Variants in UBASH3A observed in about 807,000 individuals in gnomAD.
UBASH3A encodes ubiquitin-associated and SH3 domain-containing protein A.
Under a neutral mutation model 73.5 loss-of-function variants are expected in UBASH3A, and 63 were observed. The observed-to-expected ratio is 0.86, with a 90% CI of 0.70 to 1.06. The LOEUF (loss-of-function observed/expected upper bound fraction) is 1.06. Among genes scored for constraint, UBASH3A ranks in the 50% least tolerant of loss-of-function variants. The probability of loss-of-function intolerance (pLI) is 0.00; values close to 1 mark genes in which losing one functional copy is unlikely to be tolerated. For synonymous variants in UBASH3A, 363 were observed against 351.1 expected (o/e 1.03, Z -0.38); for missense variants, 860 against 859.0 (o/e 1.00, Z -0.02).
chr21:42,417,878 C>CTTTTTTTTTTTTTTTTTTTTTTT (rs796939696), intron 6 of UBASH3A, among the ~76,000 whole-genome samples: 9 of 90,634 alleles, frequency 9.9e-5, no homozygotes, highest in Non-Finnish European at 1.5e-4. Context: ...TTCTTTTTTT[C>CTTTTTTTTTTTTTTTTTTTTTTT]TTTTTTTTTT....
chr21:42,443,450 C>A, intron 13 of UBASH3A, 32 bp downstream of exon 13: 1 of 1,543,596 alleles, frequency 6.5e-7, no homozygotes, highest in Non-Finnish European at 8.8e-7. Context: ...GTATGAACAG[C>A]CCCTGGGGCT....
intron 8 of UBASH3A, among the ~76,000 whole-genome samples, chr21:42,430,879 G>T (rs1204041147): frequency 1.3e-5 from 2 of 152,152 alleles, no homozygotes; most frequent in Admixed American, 1.3e-4. Context: ...TTGCTGCAGG[G>T]TTCCCCACCT....
Position 42,405,993 on chromosome 21 carries a change from G to GA in UBASH3A, c.114-315_114-314insA, listed in dbSNP as rs1568904790. 2.0e-5 allele frequency among the ~76,000 whole-genome samples: 3 copies of GA among 150,188 alleles called. No homozygotes were observed. In the East Asian group the frequency reaches 5.9e-4, roughly 30 times the overall value. ...ATTTGATCTAGGCAGTGGGGGGGGG[G>GA]GGGGCAGGCCAGGGAGAGGGATTGC... On this transcript the variant is annotated intron_variant, in intron 1 of 14. Coordinates refer to ENST00000319294, the MANE Select transcript of UBASH3A (RefSeq NM_018961.4).
chr21:42,418,284 AC>A (rs2053262853), intron 6 of UBASH3A, 116 bp from the exon 7 acceptor site: 1 of 841,568 alleles, frequency 1.2e-6, no homozygotes, highest in African/African-American at 1.7e-5. Flanking sequence ...TCTTGGAGAC[AC>A]AGAACACATT....
rs1414587301 is a variant in UBASH3A, at chr21:42,406,347, G to A, written c.153G>A (p.Glu51=). ...CAGCCACGGGGAGGAAGACGGCGGA[G>A]GAGGCCTTGGCCTGGTGAGTGCAGC... ...ALAATGRKTA[E]EALAWLHDHC... The change falls in exon 2 of 15, where the codon GAG becomes GAA. Residue 51 remains glutamate, a synonymous_variant. Transcript: ENST00000319294. The A allele has an allele frequency of 5.0e-6, 8 of 1,614,074 alleles. No homozygotes were observed. The highest frequency in any genetic ancestry group is 5.1e-6 in the Non-Finnish European group (6 of 1,179,904).
chr21:42,439,341 A>G (rs2053687565), intron 11 of UBASH3A, among the ~76,000 whole-genome samples: 1 of 151,818 alleles, frequency 6.6e-6, no homozygotes, highest in African/African-American at 2.4e-5. Context: ...TTCCCACCCA[A>G]CTGTGGCACA....
chr21:42,423,823 G>T (rs1180583198), intron 7 of UBASH3A, among the ~76,000 whole-genome samples: 1 of 152,142 alleles, frequency 6.6e-6, no homozygotes, highest in Non-Finnish European at 1.5e-5. Context: ...TGGGCTAGGT[G>T]CTGTGGGTTG....
At chr21:42,429,966 G>A (rs964049786) in intron 8 of UBASH3A, among the ~76,000 whole-genome samples, 6 of 152,082 alleles carry the variant, frequency 3.9e-5, no homozygotes, top group African/African-American at 1.4e-4. Flanking sequence ...CAGGGCCACC[G>A]AGAACTGTCT....
intron 3 of UBASH3A, among the ~76,000 whole-genome samples, chr21:42,412,509 C>T (rs1032863273): frequency 3.3e-5 from 5 of 152,164 alleles, no homozygotes; most frequent in African/African-American, 4.8e-5. Context: ...CAGGCAGAGC[C>T]TCAGTGCCTT....
intron 7 of UBASH3A, among the ~76,000 whole-genome samples, chr21:42,419,169 G>T (rs1283095741): frequency 6.6e-6 from 1 of 152,174 alleles, no homozygotes; most frequent in Non-Finnish European, 1.5e-5. Context: ...CACAGTTGTT[G>T]GTGGGAGTGA....
At chr21:42,443,121 T>A (rs1316695500) in intron 12 of UBASH3A, 191 bp from the exon 13 acceptor site, 5 of 1,380,048 alleles carry the variant, frequency 3.6e-6, no homozygotes, top group Non-Finnish European at 3.7e-6. Flanking sequence ...AGTAAGAATG[T>A]GTGCTGGAGA....
In UBASH3A at chr21:42,429,438, T is replaced by C. The variant is rs1487808456; in HGVS notation, c.1170+2618T>C. Among the ~76,000 whole-genome samples, 3 of 152,196 alleles carry C rather than the reference T, an allele frequency of 2.0e-5. No homozygotes were observed. The East Asian group carries it at 5.8e-4, about 29-fold the overall frequency. Reference sequence around the variant, plus strand: ...TTCTTTTGCTTTATCATCATATTCCTGTGGCAAAGCTCCACAGAAGAACAT... The same window carrying C: ...TTCTTTTGCTTTATCATCATATTCCCGTGGCAAAGCTCCACAGAAGAACAT... On this transcript the variant is annotated intron_variant, in intron 8 of 14. Coordinates refer to ENST00000319294, the MANE Select transcript of UBASH3A (RefSeq NM_018961.4).
At chr21:42,440,666 A>C (rs1037891132) in intron 11 of UBASH3A, among the ~76,000 whole-genome samples, 3 of 152,244 alleles carry the variant, frequency 2.0e-5, no homozygotes, top group African/African-American at 7.2e-5. Context: ...GAGAGTCCCC[A>C]GGTCGCCTGT....
At chr21:42,446,434 C>T (rs1419094126) in intron 14 of UBASH3A, among the ~76,000 whole-genome samples, 1 of 152,172 alleles carries the variant, frequency 6.6e-6, no homozygotes, top group East Asian at 1.9e-4. Context: ...TCAACACCAG[C>T]CTCACTCAGA....
Position 42,442,559 on chromosome 21 carries a change from C to G in UBASH3A, c.1594C>G (p.Leu532Val), listed in dbSNP as rs1314570106. The stretch of plus-strand genomic sequence containing the variant: ...CCCAACCCTCATGAGCCTGGAAGAG[C>G]TGAAAGAGGCAAATTTCAACATTGA... ...TTPTLMSLEELKEANFNIDTD... is the reference protein window; with the variant it reads ...TTPTLMSLEEVKEANFNIDTD... The change falls in exon 12 of 15, where the codon CTG becomes GTG. Residue 532 changes from leucine (L) to valine (V), a missense_variant. Leu to Val is a conservative substitution (Grantham distance 32). Coordinates refer to ENST00000319294, the MANE Select transcript of UBASH3A (RefSeq NM_018961.4). 6.2e-7 allele frequency: 1 copy of G among 1,613,928 alleles called. No homozygotes were observed. The highest frequency in any genetic ancestry group is 1.7e-5 in the Admixed American group (1 of 59,948).
chr21:42,430,984 C>T (rs1467771486), intron 8 of UBASH3A, among the ~76,000 whole-genome samples: 1 of 152,208 alleles, frequency 6.6e-6, no homozygotes, highest in African/African-American at 2.4e-5. Context: ...CATTAGTGCC[C>T]TCCAGGGAAG....
At chr21:42,420,955 G>A (rs1260746989) in intron 7 of UBASH3A, among the ~76,000 whole-genome samples, 1 of 152,210 alleles carries the variant, frequency 6.6e-6, no homozygotes, top group Non-Finnish European at 1.5e-5. Flanking sequence ...GATGGCTACT[G>A]CCTCCCTTCC....
rs754792481 is a variant in UBASH3A, at chr21:42,418,451, G to A, written c.888G>A (p.Thr296=). 1.5e-5 allele frequency: 25 copies of A among 1,614,104 alleles called. No individual in the cohort carries two copies. Among genetic ancestry groups the A allele is most frequent in the Admixed American group, 1.0e-4 (6 of 60,010 alleles). The change falls in exon 7 of 15, where the codon ACG becomes ACA. Residue 296 remains threonine, a synonymous_variant. Transcript: ENST00000319294. ...AACCCCAGAACGTGGATGAGCTGAC[G>A]CTAAGTCCTGGTGACTACATCTTTG... ...QYKPQNVDEL[T]LSPGDYIFVD...
At position 42,403,997 on chromosome 21, in the gene UBASH3A, A is replaced by G. The variant is rs2277798; in HGVS notation, c.52A>G (p.Ser18Gly). 944,376 of 1,518,038 alleles carry G rather than the reference A, an allele frequency of 0.62. 297,364 individuals carry two copies. The highest frequency in any genetic ancestry group is 0.65 in the Non-Finnish European group (731,268 of 1,128,606). 94.0% of individuals were successfully genotyped at this position (1,518,038 alleles called of 1,614,324 possible). A position where few individuals can be genotyped will look rare whatever the true frequency, so the allele number is the denominator to read the frequency against. ...LYAKVSNKLK[S>G]RSSPSLLEPL... ...CGCCAAGGTCTCCAACAAGCTCAAG[A>G]GCCGCAGCAGCCCCTCGCTCCTGGA... The change falls in exon 1 of 15, where the codon AGC (serine) becomes GGC (glycine). Residue 18 changes from serine (S) to glycine (G), a missense_variant. Coordinates refer to ENST00000319294, the MANE Select transcript of UBASH3A (RefSeq NM_018961.4).
Sources: gnomAD v4.1 joint callset for allele counts (sites outside exome capture counted in the v4.1 genomes callset) on GRCh38, gnomAD v4.1.1 for gene constraint, MANE v1.5 for transcripts, NCBI Gene and HGNC (gene_info 2026-07-23, HGNC 2026-07-21) for gene names.